Variants in FAM24B observed in about 807,000 individuals in gnomAD.
FAM24B encodes the protein protein FAM24B.
Under a neutral mutation model 2.3 loss-of-function variants are expected in FAM24B, and 3 were observed. The observed-to-expected ratio is 1.29, with a 90% CI of 0.59 to 3.32. The LOEUF is 3.32. Ranked by LOEUF, FAM24B falls within the 30% of genes most tolerant of loss-of-function variation. FAM24B has a pLI of 0.03. For missense variants in FAM24B, 98 were observed against 117.2 expected (o/e 0.84, Z 0.76); for synonymous variants, 36 against 46.3 (o/e 0.78, Z 0.90).
chr10:122,870,856 T>C (rs1847885026), intron 1 of FAM24B, among the ~76,000 whole-genome samples: 1 of 152,108 alleles, frequency 6.6e-6, no homozygotes, highest in Admixed American at 6.6e-5. Context: ...ACTGGAAGCA[T>C]TCCCTTTGAA....
intron 2 of FAM24B, among the ~76,000 whole-genome samples, chr10:122,853,972 T>TA (rs1346636441): frequency 6.6e-5 from 10 of 152,294 alleles, no homozygotes; most frequent in East Asian, 5.8e-4. Flanking sequence ...TTTTTCAAGG[T>TA]GTCTGTGAGC....
At chr10:122,852,271 A>C (rs2994804) in intron 2 of FAM24B, among the ~76,000 whole-genome samples, 2,162 of 152,318 alleles carry the variant, frequency 0.014, 30 homozygotes, top group East Asian at 0.068. Context: ...GAATACAGAG[A>C]ATCCCAGCTT....
At chr10:122,874,178 C>T (rs1433701258) in intron 1 of FAM24B, among the ~76,000 whole-genome samples, 2 of 152,160 alleles carry the variant, frequency 1.3e-5, no homozygotes, top group African/African-American at 2.4e-5. Flanking sequence ...TGATTTTCTG[C>T]ATGCTGAAAC....
At chr10:122,860,977 T>C (rs1847718517) in intron 1 of FAM24B, among the ~76,000 whole-genome samples, 1 of 152,160 alleles carries the variant, frequency 6.6e-6, no homozygotes, top group African/African-American at 2.4e-5. Flanking sequence ...TCTCCTAGTC[T>C]ATGGCTTTTC....
At chr10:122,872,817 A>T (rs1332233827) in intron 1 of FAM24B, among the ~76,000 whole-genome samples, 1 of 152,216 alleles carries the variant, frequency 6.6e-6, no homozygotes, top group Non-Finnish European at 1.5e-5. Context: ...GGATAGCATT[A>T]GGAGATATAC....
intron 1 of FAM24B, among the ~76,000 whole-genome samples, chr10:122,873,059 C>A (rs1847922927): frequency 6.6e-6 from 1 of 152,134 alleles, no homozygotes; most frequent in Non-Finnish European, 1.5e-5. Flanking sequence ...GAAGGTACAG[C>A]AAGTTATCTA....
intron 1 of FAM24B, among the ~76,000 whole-genome samples, chr10:122,857,060 C>T (rs1470904027): frequency 6.6e-6 from 1 of 152,200 alleles, no homozygotes; most frequent in East Asian, 1.9e-4. Flanking sequence ...ACTCTCAGCT[C>T]CTACAGGCCA....
At chr10:122,877,059 T>C (rs1847986604) in intron 1 of FAM24B, among the ~76,000 whole-genome samples, 2 of 152,194 alleles carry the variant, frequency 1.3e-5, no homozygotes, top group African/African-American at 4.8e-5. Context: ...CATTGTGATA[T>C]TGGTGGAAAG....
At chr10:122,877,645 T>A (rs1377758111) in intron 1 of FAM24B, among the ~76,000 whole-genome samples, 1 of 152,192 alleles carries the variant, frequency 6.6e-6, no homozygotes, top group East Asian at 1.9e-4. Context: ...GCCAGCCTGA[T>A]GCAAAAGCAG....
chr10:122,866,148 C>A (rs993543775), intron 1 of FAM24B, among the ~76,000 whole-genome samples: 1 of 152,050 alleles, frequency 6.6e-6, no homozygotes, highest in Non-Finnish European at 1.5e-5. Flanking sequence ...GTCACCTGCC[C>A]AGCTCAGCCT....
At position 122,853,981 on chromosome 10, in the gene FAM24B, G is replaced by A. The variant is rs573360054; in HGVS notation, c.-36+1664C>T. ...GTTTGCTTTTTCAAGGTGTCTGTGA[G>A]CTCTGTGGGGGCAGGAGCTCTGCAA... is the stretch of plus-strand genomic sequence containing the variant. On this transcript the variant is annotated intron_variant, in intron 2 of 3. Transcript: ENST00000368898. 1.6e-3 allele frequency among the ~76,000 whole-genome samples: 247 copies of A among 152,240 alleles called. 1 individual carries two copies. Among genetic ancestry groups the A allele is most frequent in the African/African-American group, 5.8e-3 (242 of 41,516 alleles).
At position 122,849,507 on chromosome 10, in the gene FAM24B, TG is replaced by T. The variant is rs988044864; in HGVS notation, c.93-69del. The T allele has an allele frequency of 2.4e-5, 34 of 1,443,872 alleles. No homozygotes were observed. In the Admixed American group the frequency reaches 6.1e-4, roughly 26 times the overall value. The allele number at this position is 1,443,872 out of a possible 1,614,324, so 89.4% of individuals were successfully genotyped here. Reference sequence around the variant, plus strand: ...TTCTCAGCCCTTTTGTTAGAACTGTTGGGGGGTATCTGGGGAGTTTAGTGCT... The same window carrying T: ...TTCTCAGCCCTTTTGTTAGAACTGTTGGGGGTATCTGGGGAGTTTAGTGCT... On this transcript the variant is annotated intron_variant, in intron 3 of 3. Coordinates refer to ENST00000368898, the MANE Select transcript of FAM24B (RefSeq NM_152644.3).
At chr10:122,853,321 C>T (rs1178949795) in intron 2 of FAM24B, among the ~76,000 whole-genome samples, 1 of 152,124 alleles carries the variant, frequency 6.6e-6, no homozygotes, top group South Asian at 2.1e-4. Context: ...CTGGGCCCTT[C>T]GCATGTGTTA....
At chr10:122,869,832 G>A (rs1373907127) in intron 1 of FAM24B, among the ~76,000 whole-genome samples, 1 of 152,056 alleles carries the variant, frequency 6.6e-6, no homozygotes, top group African/African-American at 2.4e-5. Context: ...AGAGAAAGGA[G>A]GGAAGATCTA....
intron 1 of FAM24B, among the ~76,000 whole-genome samples, chr10:122,879,154 G>A (rs60794686): frequency 0.011 from 1,600 of 152,248 alleles, 29 homozygotes; most frequent in African/African-American, 0.036. Context: ...TTTCTGTCAC[G>A]AGGGCATCCA....
chr10:122,851,811 C>A (rs1034634598), intron 2 of FAM24B, among the ~76,000 whole-genome samples: 6 of 152,104 alleles, frequency 3.9e-5, no homozygotes, highest in Admixed American at 3.3e-4. Context: ...CTTTTAAAGT[C>A]TTTTAAATAT....
chr10:122,857,273 G>A (rs1847655818), intron 1 of FAM24B, among the ~76,000 whole-genome samples: 1 of 152,142 alleles, frequency 6.6e-6, no homozygotes, highest in Non-Finnish European at 1.5e-5. Context: ...ATATTCGCTG[G>A]TCCAGCCTAC....
chr10:122,850,461 C>T lies in FAM24B; in HGVS notation c.55G>A (p.Val19Met), dbSNP rs775962413. Residue 19 changes from valine (V) to methionine (M), a missense_variant, in exon 3 of 4, where the codon GTG becomes ATG. Val to Met is a conservative substitution (Grantham distance 21, BLOSUM62 1). Coordinates refer to ENST00000368898, the MANE Select transcript of FAM24B (RefSeq NM_152644.3). ...LAALLLLIVV[V>M]LCLYFKIHNA... Reference sequence around the variant, plus strand: ...TGTATTTTGAAGTAAAGACAGAGCACGACAACTATCAGCAGGAGCAAGGCC... The same window carrying T: ...TGTATTTTGAAGTAAAGACAGAGCATGACAACTATCAGCAGGAGCAAGGCC... The T allele has an allele frequency of 6.3e-5, 101 of 1,613,916 alleles. No individual in the cohort carries two copies. The highest frequency in any genetic ancestry group is 7.5e-5 in the Non-Finnish European group (89 of 1,179,976).
At chr10:122,878,257 G>T (rs1848010445) in intron 1 of FAM24B, among the ~76,000 whole-genome samples, 1 of 152,210 alleles carries the variant, frequency 6.6e-6, no homozygotes, top group South Asian at 2.1e-4. Context: ...TGGTGGCCAG[G>T]TGCGGTGGCT....
Sources: allele counts gnomAD v4.1 joint callset (sites outside exome capture counted in the v4.1 genomes callset), GRCh38; gene constraint gnomAD v4.1.1; transcripts MANE v1.5; gene names NCBI Gene and HGNC (gene_info 2026-07-23, HGNC 2026-07-21).